Variants in TMPRSS15 observed in about 807,000 individuals in gnomAD.
The protein encoded by TMPRSS15 is enteropeptidase.
Under a neutral mutation model 125.3 loss-of-function variants are expected in TMPRSS15, and 128 were observed. The ratio of observed to expected loss-of-function variants is 1.02; its 90% CI spans 0.89 to 1.18. The LOEUF is 1.18. Ranked by LOEUF, TMPRSS15 falls within the 50% of genes most tolerant of loss-of-function variation. TMPRSS15 has a pLI of 0.00. For missense variants in TMPRSS15, 1,283 were observed against 1,212.7 expected, an observed-to-expected ratio of 1.06 and a Z score of -0.86; for synonymous variants, 446 against 423.2, an observed-to-expected ratio of 1.05 and a Z score of -0.66.
At chr21:18,482,965 C>T (rs972393440) in intron 1 of TMPRSS15, among the ~76,000 whole-genome samples, 2 of 151,710 alleles carry the variant, frequency 1.3e-5, no homozygotes, top group Non-Finnish European at 3.0e-5. Context: ...CTCTTTGCTT[C>T]CATTCTTTTA....
intron 1 of TMPRSS15, among the ~76,000 whole-genome samples, chr21:18,408,926 A>G (rs1330071737): frequency 6.6e-6 from 1 of 152,130 alleles, no homozygotes; most frequent in Non-Finnish European, 1.5e-5. Context: ...AAAATAAAAG[A>G]GTTATAGTTG....
chr21:18,358,226 C>CACTT, intron 8 of TMPRSS15, among the ~76,000 whole-genome samples: 1 of 151,846 alleles, frequency 6.6e-6, no homozygotes, highest in Admixed American at 6.6e-5. Context: ...TTATGCCTAC[C>CACTT]ACTTATTCAG....
intron 4 of TMPRSS15, among the ~76,000 whole-genome samples, chr21:18,380,744 T>G (rs527634144): frequency 1.3e-5 from 2 of 152,274 alleles, no homozygotes; most frequent in East Asian, 3.9e-4. Context: ...TATTTGGTTG[T>G]AATACATTTG....
At chr21:18,443,638 T>C (rs1461814911) in intron 1 of TMPRSS15, among the ~76,000 whole-genome samples, 2 of 152,160 alleles carry the variant, frequency 1.3e-5, no homozygotes, top group African/African-American at 4.8e-5. Context: ...ACAGTTGTGG[T>C]GCCAACAATA....
chr21:18,299,966 G>C (rs2074947609), intron 18 of TMPRSS15, among the ~76,000 whole-genome samples: 1 of 152,132 alleles, frequency 6.6e-6, no homozygotes, highest in South Asian at 2.1e-4. Flanking sequence ...ACTGGCATGA[G>C]GCTCTGCTTT....
intron 18 of TMPRSS15, among the ~76,000 whole-genome samples, chr21:18,301,599 G>A (rs1426690704): frequency 6.6e-6 from 1 of 152,140 alleles, no homozygotes; most frequent in Non-Finnish European, 1.5e-5. Flanking sequence ...TTGATTTTTA[G>A]AGAGGCACTC....
chr21:18,443,956 C>T (rs931818120), intron 1 of TMPRSS15, among the ~76,000 whole-genome samples: 3 of 152,156 alleles, frequency 2.0e-5, no homozygotes, highest in Non-Finnish European at 4.4e-5. Flanking sequence ...GCCAGGTGGG[C>T]AATTCCTGCT....
intron 1 of TMPRSS15, among the ~76,000 whole-genome samples, chr21:18,454,566 G>A (rs1370883875): frequency 6.6e-6 from 1 of 152,094 alleles, no homozygotes; most frequent in Non-Finnish European, 1.5e-5. Flanking sequence ...CAGAACAGGA[G>A]GAGCCAACGG....
chr21:18,430,677 T>C (rs549609351), intron 1 of TMPRSS15, among the ~76,000 whole-genome samples: 3 of 152,316 alleles, frequency 2.0e-5, no homozygotes, highest in Admixed American at 2.0e-4. Flanking sequence ...GTCAAATTCA[T>C]CTTATGCAAG....
chr21:18,384,448 T>C (rs17836456), intron 3 of TMPRSS15, among the ~76,000 whole-genome samples: 23,235 of 151,978 alleles, frequency 0.15, 2,288 homozygotes, highest in East Asian at 0.3. Flanking sequence ...AGCATTAGAG[T>C]TCAGCCATAT....
At chr21:18,337,247 G>A (rs1410303757) in intron 13 of TMPRSS15, among the ~76,000 whole-genome samples, 1 of 152,110 alleles carries the variant, frequency 6.6e-6, no homozygotes, top group Admixed American at 6.5e-5. Flanking sequence ...TTTAAAAATG[G>A]TGAAATAAAG....
intron 5 of TMPRSS15, among the ~76,000 whole-genome samples, chr21:18,373,457 A>G (rs1432035239): frequency 6.6e-6 from 1 of 152,106 alleles, no homozygotes; most frequent in Admixed American, 6.5e-5. Context: ...AATAATAATA[A>G]AAATATTATT....
At chr21:18,445,386 G>A (rs1200504786) in intron 1 of TMPRSS15, among the ~76,000 whole-genome samples, 1 of 151,914 alleles carries the variant, frequency 6.6e-6, no homozygotes, top group Non-Finnish European at 1.5e-5. Context: ...TCACCAAGCT[G>A]GCCAGGCTGG....
upstream of TMPRSS15, among the ~76,000 whole-genome samples, chr21:18,404,374 T>A (rs74626850): frequency 7.7e-3 from 1,180 of 152,320 alleles, 16 homozygotes; most frequent in African/African-American, 0.027. Flanking sequence ...GAATAAAATA[T>A]GTGTTTCTAT....
At chr21:18,469,089 C>T (rs969562457) in intron 1 of TMPRSS15, among the ~76,000 whole-genome samples, 2 of 152,120 alleles carry the variant, frequency 1.3e-5, no homozygotes, top group East Asian at 1.9e-4. Flanking sequence ...GCTCTTATGT[C>T]CACCCGGCTA....
At chr21:18,468,472 A>G (rs1217870744) in intron 1 of TMPRSS15, among the ~76,000 whole-genome samples, 1 of 152,088 alleles carries the variant, frequency 6.6e-6, no homozygotes, top group Admixed American at 6.6e-5. Context: ...ACCTCTCTGG[A>G]GACTAATTTC....
intron 1 of TMPRSS15, among the ~76,000 whole-genome samples, chr21:18,455,788 T>A (rs997356994): frequency 3.9e-5 from 6 of 152,198 alleles, no homozygotes; most frequent in Non-Finnish European, 4.4e-5. Context: ...TCCCTAAAAC[T>A]ATTTTAGAAG....
chr21:18,331,514 C>G (rs1391726439), intron 14 of TMPRSS15, among the ~76,000 whole-genome samples: 2 of 152,168 alleles, frequency 1.3e-5, no homozygotes, highest in Non-Finnish European at 1.5e-5. Context: ...TTTTAGCAAA[C>G]TATTTTCTCT....
At chr21:18,331,957 T>C (rs1022622291) in intron 14 of TMPRSS15, 127 bp downstream of exon 14, 12 of 770,142 alleles carry the variant, frequency 1.6e-5, no homozygotes, top group South Asian at 2.9e-5. Context: ...TATTAAGCAA[T>C]CTTATAGGTA....
Sources: gnomAD v4.1 joint callset for allele counts (sites outside exome capture counted in the v4.1 genomes callset) on GRCh38, gnomAD v4.1.1 for gene constraint, MANE v1.5 for transcripts, NCBI Gene and HGNC (gene_info 2026-07-23, HGNC 2026-07-21) for gene names.